Variants in NTF3 observed in about 807,000 individuals in gnomAD.
The protein encoded by NTF3 is neurotrophin 3.
Under a neutral mutation model 26.3 loss-of-function variants are expected in NTF3, and 8 were observed. The ratio of observed to expected loss-of-function variants is 0.30; its 90% CI spans 0.18 to 0.55. The LOEUF (loss-of-function observed/expected upper bound fraction) is 0.55. Among genes scored for constraint, NTF3 ranks in the 20% least tolerant of loss-of-function variants. The pLI is 0.93. For missense variants in NTF3, 276 were observed against 352.9 expected (o/e 0.78, Z 1.75); for synonymous variants, 154 against 145.5 (o/e 1.06, Z -0.42).
At chr12:5,472,471 G>A (rs1193901724) in intron 1 of NTF3, among the ~76,000 whole-genome samples, 2 of 152,042 alleles carry the variant, frequency 1.3e-5, no homozygotes, top group African/African-American at 2.4e-5. Flanking sequence ...AAAATACAAC[G>A]AACAGTATAA....
At chr12:5,480,544 G>C (rs925425474) in intron 1 of NTF3, among the ~76,000 whole-genome samples, 1 of 152,128 alleles carries the variant, frequency 6.6e-6, no homozygotes, top group Non-Finnish European at 1.5e-5. Context: ...TGGGGCACTC[G>C]GGAGGCGAAC....
intron 1 of NTF3, among the ~76,000 whole-genome samples, chr12:5,483,058 T>G (rs1565395897): frequency 6.6e-6 from 1 of 151,878 alleles, no homozygotes; most frequent in Non-Finnish European, 1.5e-5. Flanking sequence ...TTTTTATCCT[T>G]TCTCTGTCTC....
At chr12:5,451,801 C>T (rs959335022) in intron 1 of NTF3, among the ~76,000 whole-genome samples, 7 of 152,144 alleles carry the variant, frequency 4.6e-5, no homozygotes, top group Non-Finnish European at 1.0e-4. Flanking sequence ...TCAAGCGATC[C>T]TCTTACCTCA....
intron 1 of NTF3, among the ~76,000 whole-genome samples, chr12:5,449,393 A>T (rs1268865397): frequency 2.0e-5 from 3 of 152,048 alleles, no homozygotes; most frequent in Non-Finnish European, 4.4e-5. Flanking sequence ...TGTTCTTTGA[A>T]CTTTTTGGAA....
chr12:5,459,604 C>G (rs986745344), intron 1 of NTF3, among the ~76,000 whole-genome samples: 1 of 152,166 alleles, frequency 6.6e-6, no homozygotes, highest in Non-Finnish European at 1.5e-5. Context: ...AATTTCATTT[C>G]CATTTCTTTA....
chr12:5,457,714 A>G (rs991608282), intron 1 of NTF3, among the ~76,000 whole-genome samples: 5 of 152,292 alleles, frequency 3.3e-5, no homozygotes, highest in East Asian at 1.9e-4. Flanking sequence ...AACTCAGTGT[A>G]TGCTAAGCTG....
Position 5,433,947 on chromosome 12 carries a change from C to CT in NTF3, c.18+1610dup, listed in dbSNP as rs925908169. ...ATTATGGAGTGCACTGAGCGACCTG[C>CT]TTTTTAAATAAAGAGGTGCCCGCTC... On this transcript the variant is annotated intron_variant, in intron 1 of 1. Transcript: ENST00000423158. The surrounding 1 kb of genome is among the most constrained non-coding windows in gnomAD (Gnocchi z 4.6). 3.9e-5 allele frequency among the ~76,000 whole-genome samples: 6 copies of CT among 152,272 alleles called. No individual in the cohort carries two copies. The highest frequency in any genetic ancestry group is 3.9e-4 in the Admixed American group (6 of 15,312).
intron 1 of NTF3, among the ~76,000 whole-genome samples, chr12:5,484,597 C>G (rs187167757): frequency 6.6e-6 from 1 of 152,102 alleles, no homozygotes; most frequent in Admixed American, 6.5e-5. Flanking sequence ...AAAGGGCCAA[C>G]AATCATAAAA....
chr12:5,482,214 G>A (rs948087970), intron 1 of NTF3, among the ~76,000 whole-genome samples: 33 of 152,194 alleles, frequency 2.2e-4, no homozygotes, highest in African/African-American at 6.5e-4. Flanking sequence ...CCCACAAGAC[G>A]GGTACTGGCC....
intron 1 of NTF3, among the ~76,000 whole-genome samples, chr12:5,483,774 A>G (rs1461049405): frequency 6.6e-6 from 1 of 152,192 alleles, no homozygotes; most frequent in Non-Finnish European, 1.5e-5. Flanking sequence ...GGTCTTGAGG[A>G]TGTGCAGGAA....
At position 5,492,720 on chromosome 12, in the gene NTF3, G is replaced by A. The variant is rs540068360; in HGVS notation, c.19-1474G>A. On this transcript the variant is annotated intron_variant, in intron 1 of 1. Transcript: ENST00000423158. ...ACAGCAGCAAGAGGAGGCAGTATGA[G>A]CAGAGTGCCTCACTGTTGTTGACCT... 4.6e-5 allele frequency among the ~76,000 whole-genome samples: 7 copies of A among 152,314 alleles called. No homozygotes were observed. The South Asian group carries it at 1.5e-3, about 32-fold the overall frequency.
intron 1 of NTF3, among the ~76,000 whole-genome samples, chr12:5,442,029 A>C (rs1940244395): frequency 6.6e-6 from 1 of 152,230 alleles, no homozygotes; most frequent in Non-Finnish European, 1.5e-5. Context: ...TGTACAGATT[A>C]TTCATTAAGC....
intron 1 of NTF3, among the ~76,000 whole-genome samples, chr12:5,493,512 A>G (rs1940964434): frequency 6.6e-6 from 1 of 152,082 alleles, no homozygotes; most frequent in Non-Finnish European, 1.5e-5. Context: ...CCGGGGATGG[A>G]GCAGATCAGT....
At chr12:5,463,094 G>C (rs965967482) in intron 1 of NTF3, among the ~76,000 whole-genome samples, 2 of 152,094 alleles carry the variant, frequency 1.3e-5, no homozygotes, top group African/African-American at 4.8e-5. Flanking sequence ...GCATCCCAGG[G>C]GATGCCTTCT....
intron 1 of NTF3, among the ~76,000 whole-genome samples, chr12:5,434,138 T>G (rs1304581268): frequency 2.6e-5 from 4 of 152,114 alleles, no homozygotes; most frequent in Non-Finnish European, 5.9e-5. Flanking sequence ...CCTCAATTCC[T>G]TTTTGACATG....
intron 1 of NTF3, among the ~76,000 whole-genome samples, chr12:5,435,932 G>A (rs897917720): frequency 6.6e-6 from 1 of 152,156 alleles, no homozygotes; most frequent in Non-Finnish European, 1.5e-5. Context: ...TTGTGAAGGG[G>A]GTGCCAGTAT....
chr12:5,491,344 C>G (rs1940933381), intron 1 of NTF3, among the ~76,000 whole-genome samples: 1 of 152,196 alleles, frequency 6.6e-6, no homozygotes, highest in Non-Finnish European at 1.5e-5. Context: ...TTTAAGACAG[C>G]CTTCTAAAGA....
At chr12:5,467,265 T>TAAAAAAAAA (rs1940604144) in intron 1 of NTF3, among the ~76,000 whole-genome samples, 2 of 62,140 alleles carry the variant, frequency 3.2e-5, no homozygotes, top group African/African-American at 1.4e-4. Flanking sequence ...AAAAAAAAAG[T>TAAAAAAAAA]CGGGGGCTTG....
At chr12:5,440,787 C>G (rs1591591289) in intron 1 of NTF3, among the ~76,000 whole-genome samples, 1 of 152,214 alleles carries the variant, frequency 6.6e-6, no homozygotes, top group Non-Finnish European at 1.5e-5. Context: ...ACCAGTGTGA[C>G]AGATCACATC....
Sources: allele counts gnomAD v4.1 joint callset (sites outside exome capture counted in the v4.1 genomes callset), GRCh38; gene constraint gnomAD v4.1.1; non-coding constraint Gnocchi (gnomAD v3.1); transcripts MANE v1.5; gene names NCBI Gene and HGNC (gene_info 2026-07-23, HGNC 2026-07-21).